Variants in GPAM observed in about 807,000 individuals in gnomAD.
The protein encoded by GPAM is glycerol-3-phosphate acyltransferase 1, mitochondrial.
A neutral mutation model predicts 105.0 loss-of-function variants in GPAM; 56 were observed. That is an observed-to-expected ratio of 0.53 (90% CI 0.43 to 0.67). GPAM has a LOEUF of 0.67. GPAM is among the 30% of genes least tolerant of loss of function. The pLI is 0.00. For synonymous variants in GPAM, 368 were observed against 354.4 expected (o/e 1.04, Z -0.43); for missense variants, 855 against 989.8 (o/e 0.86, Z 1.83).
intron 20 of GPAM, 92 bp from the exon 21 acceptor site, chr10:112,154,779 G>T: frequency 9.8e-7 from 1 of 1,025,270 alleles, no homozygotes; most frequent in East Asian, 2.5e-5. Context: ...GGGGAGCTAG[G>T]AAGAGAATGA....
intron 20 of GPAM, 51 bp downstream of exon 20, chr10:112,155,813 A>AT: frequency 8.9e-7 from 1 of 1,129,052 alleles, no homozygotes; most frequent in South Asian, 1.4e-5. Flanking sequence ...AATTTCTGAA[A>AT]TCCAAAAAAA....
intron 17 of GPAM, 59 bp downstream of exon 17, chr10:112,159,852 C>T: frequency 2.6e-6 from 4 of 1,550,392 alleles, no homozygotes; most frequent in African/African-American, 2.7e-5. Context: ...CGGGGGGTTA[C>T]GTTTTCATGA....
At chr10:112,173,661 G>C (rs746258256) in intron 7 of GPAM, 38 bp downstream of exon 7, 1 of 1,598,392 alleles carries the variant, frequency 6.3e-7, no homozygotes, top group Non-Finnish European at 8.6e-7. Context: ...AAATCAGCAT[G>C]GCTGTGATTG....
intron 12 of GPAM, among the ~76,000 whole-genome samples, chr10:112,165,617 G>C (rs909699958): frequency 6.6e-6 from 1 of 152,062 alleles, no homozygotes; most frequent in Non-Finnish European, 1.5e-5. Flanking sequence ...TTGAACCTAG[G>C]GGGCAGAGGT....
intron 1 of GPAM, among the ~76,000 whole-genome samples, chr10:112,196,652 G>A (rs76344050): frequency 0.046 from 6,933 of 152,246 alleles, 393 homozygotes; most frequent in African/African-American, 0.13. Flanking sequence ...CTAACTAGCA[G>A]TCATCATCAT....
upstream of GPAM, among the ~76,000 whole-genome samples, chr10:112,218,633 T>C (rs1847993214): frequency 6.6e-6 from 1 of 152,194 alleles, no homozygotes; most frequent in Non-Finnish European, 1.5e-5. Context: ...GAACAGCTAC[T>C]CCATAGACAG....
At chr10:112,170,238 A>C (rs563958482) in intron 9 of GPAM, among the ~76,000 whole-genome samples, 4 of 152,330 alleles carry the variant, frequency 2.6e-5, no homozygotes, top group African/African-American at 9.6e-5. Context: ...GTGTTGCCAA[A>C]GCTTAGTATC....
intron 1 of GPAM, among the ~76,000 whole-genome samples, chr10:112,211,459 C>A (rs1847910032): frequency 6.6e-6 from 1 of 152,196 alleles, no homozygotes; most frequent in Non-Finnish European, 1.5e-5. Context: ...GTATTGAGAA[C>A]TTCCTGCATT....
chr10:112,165,835 C>A (rs1189260122), intron 12 of GPAM, among the ~76,000 whole-genome samples: 4 of 152,062 alleles, frequency 2.6e-5, no homozygotes, highest in Non-Finnish European at 5.9e-5. Flanking sequence ...ATTATTTATT[C>A]ATTTATTCAT....
chr10:112,188,776 A>T (rs1166466293), intron 1 of GPAM, among the ~76,000 whole-genome samples: 1 of 152,210 alleles, frequency 6.6e-6, no homozygotes, highest in Non-Finnish European at 1.5e-5. Context: ...AACATGGCTC[A>T]TTCTCATGAT....
In GPAM at chr10:112,159,100, A is replaced by C. The variant is rs970593138; in HGVS notation, c.1903-707T>G. 3.1e-4 allele frequency among the ~76,000 whole-genome samples: 47 copies of C among 152,176 alleles called. 1 individual carries two copies. The highest frequency in any genetic ancestry group is 1.0e-3 in the African/African-American group (43 of 41,528). On this transcript the variant is annotated intron_variant, in intron 17 of 21. Transcript: ENST00000348367. ...AAGAAGGAAATCTACTACTTAATAC[A>C]TATGTCTCATGATAAATGCCTAAAA... is the stretch of plus-strand genomic sequence containing the variant.
the GPAM span, among the ~76,000 whole-genome samples, chr10:112,224,303 A>AT: frequency 5.2e-4 from 79 of 152,294 alleles, no homozygotes; most frequent in African/African-American, 1.8e-3. Flanking sequence ...GATCATGGTT[A>AT]TTTTTTTGCA....
At chr10:112,200,102 G>A (rs1360765156) in intron 1 of GPAM, among the ~76,000 whole-genome samples, 7 of 149,436 alleles carry the variant, frequency 4.7e-5, no homozygotes, top group African/African-American at 1.7e-4. Context: ...AGCAACTGGA[G>A]ACAGGAGTAC....
intron 1 of GPAM, among the ~76,000 whole-genome samples, chr10:112,191,154 G>A (rs774488774): frequency 5.9e-5 from 9 of 152,210 alleles, no homozygotes; most frequent in Non-Finnish European, 1.0e-4. Context: ...ACAAGACATA[G>A]TGTTCAAAGA....
intron 1 of GPAM, among the ~76,000 whole-genome samples, chr10:112,194,734 G>C (rs886290775): frequency 6.6e-6 from 1 of 152,104 alleles, no homozygotes; most frequent in Admixed American, 6.5e-5. Flanking sequence ...GGTGTAAAGA[G>C]CCAGGCAGTC....
At chr10:112,198,220 C>T (rs1437073235) in intron 1 of GPAM, among the ~76,000 whole-genome samples, 1 of 152,140 alleles carries the variant, frequency 6.6e-6, no homozygotes, top group Admixed American at 6.6e-5. Flanking sequence ...TGTCCAGTCC[C>T]CTCAAAGTCT....
intron 1 of GPAM, among the ~76,000 whole-genome samples, chr10:112,204,041 G>A (rs151330581): frequency 6.6e-6 from 1 of 152,152 alleles, no homozygotes; most frequent in African/African-American, 2.4e-5. Context: ...CCGTGGAGGA[G>A]ATGGCACAGC....
chr10:112,223,030 C>A, the GPAM span, among the ~76,000 whole-genome samples: 1 of 152,128 alleles, frequency 6.6e-6, no homozygotes, highest in Admixed American at 6.5e-5. Flanking sequence ...CAGCTGAATA[C>A]AATGGTGGCA....
chr10:112,171,747 T>C (rs940130768), intron 9 of GPAM, among the ~76,000 whole-genome samples: 2 of 152,238 alleles, frequency 1.3e-5, no homozygotes, highest in African/African-American at 4.8e-5. Flanking sequence ...CATGATATTG[T>C]ACTTTTTAAG....
Sources: allele counts gnomAD v4.1 joint callset (sites outside exome capture counted in the v4.1 genomes callset), GRCh38; gene constraint gnomAD v4.1.1; transcripts MANE v1.5; gene names NCBI Gene and HGNC (gene_info 2026-07-23, HGNC 2026-07-21).